CEP112: variants seen among roughly 807,000 people sequenced by gnomAD.
The protein encoded by CEP112 is centrosomal protein 112.
In CEP112, 127 loss-of-function variants were observed where a neutral mutation model predicts 153.0. The ratio of observed to expected loss-of-function variants is 0.83; its 90% CI spans 0.72 to 0.96. The LOEUF (loss-of-function observed/expected upper bound fraction) is 0.96. Ranked by LOEUF, CEP112 falls within the 40% of genes least tolerant of loss-of-function variation. The pLI is 0.00. For missense variants in CEP112, 1,089 were observed against 1,101.2 expected, an observed-to-expected ratio of 0.99 and a Z score of 0.16; for synonymous variants, 358 against 374.4, an observed-to-expected ratio of 0.96 and a Z score of 0.51.
chr17:65,926,791 G>A (rs1053615203), intron 19 of CEP112, among the ~76,000 whole-genome samples: 19 of 151,960 alleles, frequency 1.3e-4, no homozygotes, highest in African/African-American at 3.9e-4. Context: ...ATGACTCATC[G>A]AAAAGCAAGC....
rs115246886 is a variant in CEP112 at position 65,676,604 on chromosome 17, C to T, written c.2697+12525G>A. ...CTTCACAAGGGCAAAGATTTTCATTCGGTTTGTTCAGCAACGTATATCCAG... is the reference window on the plus strand; with the variant it reads ...CTTCACAAGGGCAAAGATTTTCATTTGGTTTGTTCAGCAACGTATATCCAG... On this transcript the variant is annotated intron_variant, in intron 24 of 26. Coordinates refer to ENST00000535342, the MANE Select transcript of CEP112 (RefSeq NM_001199165.4). 8.5e-3 allele frequency among the ~76,000 whole-genome samples: 1,294 copies of T among 152,224 alleles called. 18 individuals carry two copies. Among genetic ancestry groups the T allele is most frequent in the African/African-American group, 0.029 (1,204 of 41,516 alleles).
rs1404509492 is a variant in CEP112, at chr17:65,836,728, C to G, written c.2394+15076G>C. On this transcript the variant is annotated intron_variant, in intron 21 of 26. Coordinates refer to ENST00000535342, the MANE Select transcript of CEP112 (RefSeq NM_001199165.4). Reference sequence around the variant, plus strand: ...TTTCAGAATGGACACATAATCCAGACAGAAAATCAGCAAAGAAATATTCAA... The same window carrying G: ...TTTCAGAATGGACACATAATCCAGAGAGAAAATCAGCAAAGAAATATTCAA... Among the ~76,000 whole-genome samples the G allele has an allele frequency of 2.0e-5, 3 of 152,286 alleles. No homozygotes were observed. In the East Asian group the frequency reaches 5.8e-4, roughly 29 times the overall value.
In CEP112 at chr17:66,113,268, T is replaced by C. The variant is rs144429190; in HGVS notation, c.642+16478A>G. 3.2e-3 allele frequency among the ~76,000 whole-genome samples: 486 copies of C among 152,240 alleles called. 6 individuals carry two copies. In the Middle Eastern group the frequency reaches 0.044, roughly 14 times the overall value. On this transcript the variant is annotated intron_variant, in intron 6 of 26. Coordinates refer to ENST00000535342, the MANE Select transcript of CEP112 (RefSeq NM_001199165.4). Reference sequence around the variant, plus strand: ...ATACATGTATGTGTATATATACATATATTAGGTAATAATTTATTTTTGGAA... The same window carrying C: ...ATACATGTATGTGTATATATACATACATTAGGTAATAATTTATTTTTGGAA...
chr17:66,128,655 T>C (rs1466897069), intron 6 of CEP112, among the ~76,000 whole-genome samples: 5 of 152,126 alleles, frequency 3.3e-5, no homozygotes, highest in South Asian at 2.1e-4. Flanking sequence ...CAAATATGTA[T>C]AAAAAGATTC....
At chr17:66,052,991 C>A (rs2066504677) in intron 12 of CEP112, among the ~76,000 whole-genome samples, 1 of 151,666 alleles carries the variant, frequency 6.6e-6, no homozygotes, top group Non-Finnish European at 1.5e-5. Context: ...CCTGTAGTAC[C>A]AGCTACTTGG....
intron 16 of CEP112, among the ~76,000 whole-genome samples, chr17:66,025,968 C>CCACACA (rs150059801): frequency 0.56 from 73,307 of 130,324 alleles, 18,986 homozygotes; most frequent in Non-Finnish European, 0.6. Context: ...TATATATAGA[C>CCACACA]CACACACACA....
intron 18 of CEP112, among the ~76,000 whole-genome samples, chr17:65,932,589 C>T (rs1430133386): frequency 6.6e-6 from 1 of 152,152 alleles, no homozygotes; most frequent in Admixed American, 6.5e-5. Context: ...AAGCATGATG[C>T]TACCGTCTGT....
intron 17 of CEP112, among the ~76,000 whole-genome samples, chr17:65,964,981 AAGAT>A (rs1371082601): frequency 6.6e-6 from 1 of 152,224 alleles, no homozygotes; most frequent in Non-Finnish European, 1.5e-5. Flanking sequence ...AGCCAAAAGA[AAGAT>A]AACACATTTT....
chr17:66,104,671 G>A (rs1598358515), intron 6 of CEP112, among the ~76,000 whole-genome samples: 1 of 152,132 alleles, frequency 6.6e-6, no homozygotes. Context: ...GCACCAAGCA[G>A]GCTCCTGGGG....
At chr17:65,651,074 T>C (rs1279437952) in intron 24 of CEP112, among the ~76,000 whole-genome samples, 1 of 152,186 alleles carries the variant, frequency 6.6e-6, no homozygotes, top group Admixed American at 6.5e-5. Flanking sequence ...TATAGTCTTT[T>C]ATTCCTCGCC....
At chr17:65,981,204 A>G (rs2063213814) in intron 17 of CEP112, among the ~76,000 whole-genome samples, 1 of 152,210 alleles carries the variant, frequency 6.6e-6, no homozygotes, top group Non-Finnish European at 1.5e-5. Context: ...TAATTTTACT[A>G]TATGGAAGAA....
rs999190137 is a variant in CEP112 at position 66,065,850 on chromosome 17, C to T, written c.955+928G>A. Among the ~76,000 whole-genome samples the T allele has an allele frequency of 2.0e-5, 3 of 152,014 alleles. No homozygotes were observed. In the South Asian group the frequency reaches 6.2e-4, roughly 31 times the overall value. Reference sequence around the variant, plus strand: ...TTCACTGTGTTAGCCAGGACGGTCTCGATCTCCTGACCTCATGATCCACCT... The same window carrying T: ...TTCACTGTGTTAGCCAGGACGGTCTTGATCTCCTGACCTCATGATCCACCT... On this transcript the variant is annotated intron_variant, in intron 10 of 26. Coordinates refer to ENST00000535342, the MANE Select transcript of CEP112 (RefSeq NM_001199165.4).
chr17:65,664,305 A>G (rs2046569118), intron 24 of CEP112, among the ~76,000 whole-genome samples: 1 of 152,176 alleles, frequency 6.6e-6, no homozygotes, highest in African/African-American at 2.4e-5. Flanking sequence ...AGAGCTGAGC[A>G]CCCACACTTG....
chr17:65,741,904 A>G (rs576180624), intron 23 of CEP112, among the ~76,000 whole-genome samples: 26 of 152,084 alleles, frequency 1.7e-4, no homozygotes, highest in African/African-American at 5.8e-4. Context: ...TTTTTAAACC[A>G]CCAGAATATG....
chr17:65,637,633 T>C (rs774084393), intron 25 of CEP112, among the ~76,000 whole-genome samples: 2 of 152,216 alleles, frequency 1.3e-5, no homozygotes, highest in Non-Finnish European at 2.9e-5. Flanking sequence ...AGCTGCTCCT[T>C]GCCTCCTAGC....
chr17:66,166,986 A>G (rs1272844522), intron 4 of CEP112, among the ~76,000 whole-genome samples: 1 of 151,804 alleles, frequency 6.6e-6, no homozygotes, highest in Non-Finnish European at 1.5e-5. Flanking sequence ...GAGGCCAGCC[A>G]CTGTGTGTTC....
At chr17:66,171,234 T>C (rs17763169) in intron 4 of CEP112, among the ~76,000 whole-genome samples, 28,136 of 152,068 alleles carry the variant, frequency 0.19, 2,763 homozygotes, top group Non-Finnish European at 0.22. Flanking sequence ...TAAAATGCCA[T>C]TAGAAATACT....
At chr17:66,086,130 G>A (rs990019551) in intron 8 of CEP112, among the ~76,000 whole-genome samples, 1 of 152,022 alleles carries the variant, frequency 6.6e-6, no homozygotes, top group African/African-American at 2.4e-5. Context: ...AGAAAGGGAT[G>A]ATTAAATACT....
chr17:66,079,933 T>C (rs967030599), intron 8 of CEP112, among the ~76,000 whole-genome samples: 1 of 152,100 alleles, frequency 6.6e-6, no homozygotes, highest in Admixed American at 6.5e-5. Flanking sequence ...TAATAAATGG[T>C]GTTGGGAAAA....
Sources: allele counts gnomAD v4.1 joint callset (sites outside exome capture counted in the v4.1 genomes callset), GRCh38; gene constraint gnomAD v4.1.1; transcripts MANE v1.5; gene names NCBI Gene and HGNC (gene_info 2026-07-23, HGNC 2026-07-21).